NME7: variants seen among roughly 807,000 people sequenced by gnomAD.
NME7 encodes the protein nucleoside diphosphate kinase 7.
A neutral mutation model predicts 49.1 loss-of-function variants in NME7; 41 were observed. The observed-to-expected ratio is 0.83, with a 90% CI of 0.65 to 1.08. The LOEUF is 1.08. NME7 is among the 50% of genes least tolerant of loss of function. The pLI, the probability that NME7 is intolerant of heterozygous loss-of-function variation, is 0.00. For missense variants in NME7, 423 were observed against 463.4 expected, an observed-to-expected ratio of 0.91 and a Z score of 0.80; for synonymous variants, 139 against 150.6, an observed-to-expected ratio of 0.92 and a Z score of 0.56.
rs574683847 is a variant in NME7, at chr1:169,256,311, A to G, written c.755-18624T>C. 1.5e-5 allele frequency among the ~76,000 whole-genome samples: 2 copies of G among 132,970 alleles called. 1 individual carries two copies. The highest frequency in any genetic ancestry group is 4.6e-4 in the South Asian group (2 of 4,328). 87.2% of individuals were successfully genotyped at this position (132,970 alleles called of 152,430 possible). On this transcript the variant is annotated intron_variant, in intron 7 of 11. Coordinates refer to ENST00000367811, the MANE Select transcript of NME7 (RefSeq NM_013330.5). ...CTTTCCTTCTCGCTTCATTTCATTC[A>G]TTTCATCTTCCATCACTGAAACCCT...
At chr1:169,281,781 G>A (rs1015486032) in intron 7 of NME7, among the ~76,000 whole-genome samples, 16 of 152,294 alleles carry the variant, frequency 1.1e-4, no homozygotes, top group African/African-American at 3.6e-4. Context: ...AACCAGCCTT[G>A]CATTCCAGCA....
chr1:169,163,236 G>C (rs1659301394), intron 11 of NME7, among the ~76,000 whole-genome samples: 1 of 151,802 alleles, frequency 6.6e-6, no homozygotes, highest in African/African-American at 2.4e-5. Flanking sequence ...GCGTACACGA[G>C]GTTGAGTCAT....
chr1:169,193,970 TAAAAAGA>T lies in NME7; in HGVS notation c.991-24423_991-24417del, dbSNP rs556759127. 6.5e-3 allele frequency among the ~76,000 whole-genome samples: 980 copies of T among 151,590 alleles called. 14 individuals carry two copies. Among genetic ancestry groups the T allele is most frequent in the African/African-American group, 0.022 (920 of 41,210 alleles). ...AAAAATCACTAGGGAAGAATAGTTT[TAAAAAGA>T]AAAAAGAAAAAATGAAGGAACTGAA... On this transcript the variant is annotated intron_variant, in intron 10 of 11. Transcript: ENST00000367811.
chr1:169,192,285 C>T (rs1299819205), intron 10 of NME7, among the ~76,000 whole-genome samples: 2 of 152,050 alleles, frequency 1.3e-5, no homozygotes, highest in African/African-American at 4.8e-5. Context: ...AGCTGGCCCT[C>T]TGTATCCGCA....
chr1:169,165,526 C>T (rs1026852944), intron 11 of NME7, among the ~76,000 whole-genome samples: 10 of 152,140 alleles, frequency 6.6e-5, no homozygotes, highest in East Asian at 3.9e-4. Context: ...GCCTCTTGTC[C>T]GAACATCTTT....
chr1:169,293,272 C>T (rs990232236), intron 6 of NME7, among the ~76,000 whole-genome samples: 1 of 146,834 alleles, frequency 6.8e-6, no homozygotes, highest in Admixed American at 6.9e-5. Context: ...TGAACTCCAG[C>T]TTGGGCAGCA....
chr1:169,316,934 GA>G (rs35383178), intron 3 of NME7, among the ~76,000 whole-genome samples: 52,907 of 143,026 alleles, frequency 0.37, 10,379 homozygotes, highest in Non-Finnish European at 0.46. Flanking sequence ...CCATATAATA[GA>G]AAAAAAAAAC....
intron 7 of NME7, among the ~76,000 whole-genome samples, chr1:169,280,553 T>C (rs1558020460): frequency 6.8e-6 from 1 of 147,882 alleles, no homozygotes. Flanking sequence ...CTGAATGGTA[T>C]TGCCAAGGAT....
chr1:169,236,477 A>G (rs1357834435), intron 8 of NME7, among the ~76,000 whole-genome samples: 1 of 152,142 alleles, frequency 6.6e-6, no homozygotes, highest in Non-Finnish European at 1.5e-5. Flanking sequence ...TACAAACTAT[A>G]CCCAATCACC....
At chr1:169,366,565 G>A (rs1286908370) in intron 1 of NME7, among the ~76,000 whole-genome samples, 1 of 152,134 alleles carries the variant, frequency 6.6e-6, no homozygotes, top group African/African-American at 2.4e-5. Flanking sequence ...AACTGGAAGC[G>A]AAATGTAACA....
chr1:169,361,164 A>G (rs1382500241), intron 1 of NME7, among the ~76,000 whole-genome samples: 8 of 152,208 alleles, frequency 5.3e-5, no homozygotes, highest in Non-Finnish European at 1.2e-4. Flanking sequence ...CTGGTGAATG[A>G]GAAAGAATTG....
chr1:169,220,099 A>T (rs1661096464), intron 10 of NME7, among the ~76,000 whole-genome samples: 2 of 152,180 alleles, frequency 1.3e-5, no homozygotes, highest in African/African-American at 4.8e-5. Context: ...TCTATACTTT[A>T]GCTTTCAACC....
At chr1:169,358,066 T>TATCTATAAGGAAATCTATA (rs1354643361) in intron 1 of NME7, among the ~76,000 whole-genome samples, 3 of 152,050 alleles carry the variant, frequency 2.0e-5, no homozygotes, top group Non-Finnish European at 4.4e-5. Flanking sequence ...AAGAGAAATT[T>TATCTATAAGGAAATCTATA]AGGAAGAGGG....
chr1:169,243,010 A>G (rs1201504883), intron 7 of NME7, among the ~76,000 whole-genome samples: 1 of 152,280 alleles, frequency 6.6e-6, no homozygotes, highest in Admixed American at 6.5e-5. Flanking sequence ...TGTTATCAAA[A>G]TACCAGCAAG....
At chr1:169,258,034 G>T (rs909966804) in intron 7 of NME7, among the ~76,000 whole-genome samples, 2 of 132,972 alleles carry the variant, frequency 1.5e-5, no homozygotes, top group African/African-American at 5.1e-5. Flanking sequence ...TTGAGTGTTT[G>T]TTTCTATTTT....
intron 10 of NME7, among the ~76,000 whole-genome samples, chr1:169,196,756 C>T (rs537973806): frequency 2.0e-4 from 31 of 152,244 alleles, no homozygotes; most frequent in Admixed American, 6.5e-4. Context: ...TGAGTGCATC[C>T]TACCAAGCTG....
intron 10 of NME7, among the ~76,000 whole-genome samples, chr1:169,186,282 C>T (rs961572046): frequency 1.3e-5 from 2 of 152,086 alleles, no homozygotes; most frequent in East Asian, 1.9e-4. Context: ...AATAGCACCA[C>T]GGACAGGATT....
chr1:169,343,856 C>G (rs1652863097), intron 1 of NME7, among the ~76,000 whole-genome samples: 1 of 152,084 alleles, frequency 6.6e-6, no homozygotes, highest in African/African-American at 2.4e-5. Context: ...ATAAGTCTTC[C>G]AGTTTTGTTG....
At chr1:169,192,752 T>C (rs1660269633) in intron 10 of NME7, among the ~76,000 whole-genome samples, 1 of 152,192 alleles carries the variant, frequency 6.6e-6, no homozygotes, top group Admixed American at 6.5e-5. Flanking sequence ...TATGGTAACT[T>C]GAAAACAGTA....
Sources: allele counts gnomAD v4.1 joint callset (sites outside exome capture counted in the v4.1 genomes callset), GRCh38; gene constraint gnomAD v4.1.1; transcripts MANE v1.5; gene names NCBI Gene and HGNC (gene_info 2026-07-23, HGNC 2026-07-21).